CPEB4: variants seen among roughly 807,000 people sequenced by gnomAD.
CPEB4 encodes the protein cytoplasmic polyadenylation element-binding protein 4.
A neutral mutation model predicts 72.5 loss-of-function variants in CPEB4; 12 were observed. The observed-to-expected ratio is 0.17, with a 90% CI of 0.11 to 0.27. CPEB4 has a LOEUF of 0.27. CPEB4 is among the 10% of genes least tolerant of loss of function. The probability of loss-of-function intolerance (pLI) is 1.00; values close to 1 mark genes in which losing one functional copy is unlikely to be tolerated. For synonymous variants in CPEB4, 302 were observed against 326.3 expected, an observed-to-expected ratio of 0.93 and a Z score of 0.80; for missense variants, 614 against 908.5, an observed-to-expected ratio of 0.68 and a Z score of 4.17.
chr5:173,921,187 AT>A (rs200450562), intron 2 of CPEB4, among the ~76,000 whole-genome samples: 1 of 151,688 alleles, frequency 6.6e-6, no homozygotes, highest in African/African-American at 2.4e-5. Context: ...TGATATTAAG[AT>A]TTTTTTTTGT....
rs1015341627 is a variant in CPEB4, at chr5:173,932,462, A to G, written c.1220A>G (p.Tyr407Cys). The change falls in exon 3 of 10, where the codon TAT (tyrosine) becomes TGT (cysteine). Residue 407 changes from tyrosine (Y) to cysteine (C), a missense_variant. Around this residue, in one of 5 missense-constraint regions of CPEB4, gnomAD observed 458 missense variants for 548.6 expected, o/e 0.83. Coordinates refer to ENST00000265085, the MANE Select transcript of CPEB4 (RefSeq NM_030627.4). The stretch of plus-strand genomic sequence containing the variant: ...CTTTTACCTTCAGGTCGTCTAAACT[A>G]TTCATATCCAGGATCCGATAGCTCT... Reference protein sequence around the residue: ...ENDTIKGRLNYSYPGSDSSLL... With the variant: ...ENDTIKGRLNCSYPGSDSSLL... 9 of 1,612,744 alleles carry G rather than the reference A, an allele frequency of 5.6e-6. No individual in the cohort carries two copies. The highest frequency in any genetic ancestry group is 5.3e-5 in the African/African-American group (4 of 74,854).
At chr5:173,923,332 A>T (rs1449041110) in intron 2 of CPEB4, among the ~76,000 whole-genome samples, 1 of 152,162 alleles carries the variant, frequency 6.6e-6, no homozygotes, top group Non-Finnish European at 1.5e-5. Flanking sequence ...AATTCTCTTT[A>T]GTTTCTGTAG....
chr5:173,934,826 A>C (rs978364673), intron 3 of CPEB4, among the ~76,000 whole-genome samples: 21 of 152,276 alleles, frequency 1.4e-4, no homozygotes, highest in African/African-American at 5.1e-4. Context: ...TTTTTTAGTG[A>C]CCTTGATCAA....
chr5:173,933,251 A>C (rs1383879286), intron 3 of CPEB4, among the ~76,000 whole-genome samples: 1 of 152,230 alleles, frequency 6.6e-6, no homozygotes, highest in Non-Finnish European at 1.5e-5. Flanking sequence ...TTTAAGTCCC[A>C]CGACCTCTAA....
chr5:173,929,864 C>A (rs532064408), intron 2 of CPEB4, among the ~76,000 whole-genome samples: 1 of 152,040 alleles, frequency 6.6e-6, no homozygotes, highest in Admixed American at 6.5e-5. Context: ...CTAATGTTAT[C>A]AAATATTTTT....
chr5:173,932,597 A>G, intron 3 of CPEB4, 97 bp downstream of exon 3: 2 of 881,700 alleles, frequency 2.3e-6, no homozygotes, highest in Admixed American at 2.4e-5. Context: ...TTCTGTAATG[A>G]TAACTGTAAG....
At chr5:173,921,397 G>T (rs927947852) in intron 2 of CPEB4, among the ~76,000 whole-genome samples, 4 of 152,120 alleles carry the variant, frequency 2.6e-5, no homozygotes, top group African/African-American at 7.2e-5. Flanking sequence ...TTACAAAAAA[G>T]AACATAACAT....
intron 6 of CPEB4, 111 bp downstream of exon 6, chr5:173,949,708 A>G: frequency 5.3e-6 from 4 of 756,580 alleles, no homozygotes; most frequent in South Asian, 1.8e-5. Context: ...TTAAACTTGC[A>G]TTTTCCCAAA....
chr5:173,916,568 T>G (rs1292169963), intron 2 of CPEB4, among the ~76,000 whole-genome samples: 1 of 152,246 alleles, frequency 6.6e-6, no homozygotes, highest in Non-Finnish European at 1.5e-5. Context: ...CCAAAGGTGT[T>G]GTGACCTTGC....
intron 1 of CPEB4, among the ~76,000 whole-genome samples, chr5:173,901,193 A>G (rs1756219045): frequency 6.6e-6 from 1 of 152,228 alleles, no homozygotes; most frequent in Admixed American, 6.5e-5. Context: ...TTATTTAGTA[A>G]AGGTGCAATA....
At chr5:173,932,128 C>T (rs1757468786) in intron 2 of CPEB4, among the ~76,000 whole-genome samples, 1 of 152,132 alleles carries the variant, frequency 6.6e-6, no homozygotes, top group African/African-American at 2.4e-5. Context: ...CAAAACACTA[C>T]ACAAATGAAG....
At chr5:173,930,622 C>G (rs1387779435) in intron 2 of CPEB4, among the ~76,000 whole-genome samples, 1 of 152,084 alleles carries the variant, frequency 6.6e-6, no homozygotes, top group Non-Finnish European at 1.5e-5. Context: ...CTACATAGGA[C>G]TAAGCTGAAA....
chr5:173,913,389 G>T (rs556939185), intron 2 of CPEB4, among the ~76,000 whole-genome samples: 12 of 152,160 alleles, frequency 7.9e-5, no homozygotes, highest in Middle Eastern at 3.4e-3. Flanking sequence ...GTAGAGATGG[G>T]GTTTCACCTT....
rs1756183309 is a variant in CPEB4, at chr5:173,900,345, C to T, written c.1125+9487C>T. The stretch of plus-strand genomic sequence containing the variant: ...ACTTGAACCCAGGAGGCAGAGGTTG[C>T]AGTGAGCCGAGATCGCGCCATTGCA... On this transcript the variant is annotated intron_variant, in intron 1 of 9. Coordinates refer to ENST00000265085, the MANE Select transcript of CPEB4 (RefSeq NM_030627.4). The surrounding 1 kb of genome is among the most constrained non-coding windows in gnomAD (Gnocchi z 4.4). Among the ~76,000 whole-genome samples the T allele has an allele frequency of 6.6e-6, 1 of 151,914 alleles. No individual in the cohort carries two copies. The highest frequency in any genetic ancestry group is 6.6e-5 in the Admixed American group (1 of 15,250).
intron 1 of CPEB4, among the ~76,000 whole-genome samples, chr5:173,897,908 G>C (rs1417602461): frequency 6.6e-6 from 1 of 152,046 alleles, no homozygotes; most frequent in East Asian, 1.9e-4. Context: ...TGACAAAATG[G>C]TACCACAAAA....
intron 2 of CPEB4, among the ~76,000 whole-genome samples, chr5:173,929,331 G>A (rs1461799888): frequency 1.3e-5 from 2 of 152,134 alleles, no homozygotes; most frequent in African/African-American, 4.8e-5. Flanking sequence ...GTGATAAAGT[G>A]GAACTTCATT....
At chr5:173,912,931 A>AC (rs1354502733) in intron 2 of CPEB4, among the ~76,000 whole-genome samples, 1 of 151,616 alleles carries the variant, frequency 6.6e-6, no homozygotes, top group East Asian at 1.9e-4. Flanking sequence ...AAAAAAAAAA[A>AC]AAAAAAAGTA....
rs189735336 is a variant in CPEB4 at position 173,944,466 on chromosome 5, C to A, written c.1283-501C>A. Among the ~76,000 whole-genome samples, 201 of 110,478 alleles carry A rather than the reference C, an allele frequency of 1.8e-3. 4 individuals carry two copies. In the Admixed American group the frequency reaches 0.018, roughly 10 times the overall value. 72.5% of individuals were successfully genotyped at this position (110,478 alleles called of 152,430 possible). On this transcript the variant is annotated intron_variant, in intron 4 of 9. Coordinates refer to ENST00000265085, the MANE Select transcript of CPEB4 (RefSeq NM_030627.4). ...CTCCAGCCTGGGTAAAAGAGCGAGA[C>A]ACTGTCTCAAAAAAAAAAAAAAAAA...
intron 2 of CPEB4, among the ~76,000 whole-genome samples, chr5:173,920,648 T>C (rs1243498840): frequency 6.6e-6 from 1 of 152,200 alleles, no homozygotes; most frequent in Non-Finnish European, 1.5e-5. Flanking sequence ...CTCAATTTCC[T>C]CACCTGTAAA....
Sources: gnomAD v4.1 joint callset for allele counts (sites outside exome capture counted in the v4.1 genomes callset) on GRCh38, gnomAD v4.1.1 for gene constraint, gnomAD v4.1.1 regional missense constraint, Gnocchi (gnomAD v3.1) non-coding constraint, MANE v1.5 for transcripts, NCBI Gene and HGNC (gene_info 2026-07-23, HGNC 2026-07-21) for gene names.